KHDRBS2: variants seen among roughly 807,000 people sequenced by gnomAD.
KHDRBS2 encodes the protein KH domain-containing, RNA-binding, signal transduction-associated protein 2.
KHDRBS2 carries 26 observed loss-of-function variants against 44.3 expected under a neutral mutation model. The observed-to-expected ratio is 0.59, with a 90% CI of 0.43 to 0.81. The LOEUF (loss-of-function observed/expected upper bound fraction) is 0.81. Among genes scored for constraint, KHDRBS2 ranks in the 40% least tolerant of loss-of-function variants. The pLI, the probability that KHDRBS2 is intolerant of heterozygous loss-of-function variation, is 0.00. For synonymous variants in KHDRBS2, 194 were observed against 151.1 expected, an observed-to-expected ratio of 1.28 and a Z score of -2.08; for missense variants, 476 against 433.1, an observed-to-expected ratio of 1.10 and a Z score of -0.88.
At chr6:61,753,512 C>A (rs1365745847) in intron 6 of KHDRBS2, among the ~76,000 whole-genome samples, 2 of 152,104 alleles carry the variant, frequency 1.3e-5, no homozygotes, top group Non-Finnish European at 2.9e-5. Flanking sequence ...GAGAGAATTG[C>A]AATTCATAGT....
chr6:61,954,628 A>T (rs147043411), intron 4 of KHDRBS2, among the ~76,000 whole-genome samples: 1 of 129,394 alleles, frequency 7.7e-6, no homozygotes, highest in Non-Finnish European at 1.7e-5. Flanking sequence ...ATATATATGT[A>T]TATATACACA....
At chr6:62,121,062 G>A (rs375092269) in intron 2 of KHDRBS2, among the ~76,000 whole-genome samples, 12 of 152,088 alleles carry the variant, frequency 7.9e-5, no homozygotes, top group South Asian at 4.1e-4. Context: ...GGTAATTAAC[G>A]GAGTTTTAGC....
At chr6:61,554,620 T>C in the KHDRBS2 span, among the ~76,000 whole-genome samples, 1 of 152,210 alleles carries the variant, frequency 6.6e-6, no homozygotes, top group East Asian at 1.9e-4. Flanking sequence ...ACCTATGTAC[T>C]TGTGTGTTTT....
chr6:62,178,792 G>A (rs1306747545), intron 1 of KHDRBS2, among the ~76,000 whole-genome samples: 1 of 151,366 alleles, frequency 6.6e-6, no homozygotes, highest in Non-Finnish European at 1.5e-5. Flanking sequence ...CTTAGTCAAT[G>A]TACTAAAATA....
the KHDRBS2 span, among the ~76,000 whole-genome samples, chr6:61,590,894 C>T: frequency 5.3e-5 from 8 of 152,164 alleles, no homozygotes; most frequent in African/African-American, 1.2e-4. Flanking sequence ...TCATGGGATG[C>T]TTCATCTTTA....
chr6:62,241,889 TTC>T (rs1245111080), intron 1 of KHDRBS2, among the ~76,000 whole-genome samples: 6 of 152,176 alleles, frequency 3.9e-5, no homozygotes, highest in Admixed American at 3.3e-4. Flanking sequence ...TGCATTGGTC[TTC>T]TGTTCTCCAG....
At chr6:62,102,385 G>T (rs1448121437) in intron 2 of KHDRBS2, among the ~76,000 whole-genome samples, 2 of 152,142 alleles carry the variant, frequency 1.3e-5, no homozygotes, top group Admixed American at 1.3e-4. Context: ...TCCACTGCAG[G>T]CACCAGGCAA....
intron 2 of KHDRBS2, among the ~76,000 whole-genome samples, chr6:62,094,711 T>C (rs1214646168): frequency 6.6e-6 from 1 of 151,978 alleles, no homozygotes; most frequent in Non-Finnish European, 1.5e-5. Flanking sequence ...TTTAAGTCTT[T>C]AATCCATTCA....
At chr6:61,722,506 C>A (rs1423809227) in intron 7 of KHDRBS2, among the ~76,000 whole-genome samples, 1 of 152,062 alleles carries the variant, frequency 6.6e-6, no homozygotes, top group Admixed American at 6.6e-5. Flanking sequence ...CTCACAAATT[C>A]TATGTTCACT....
intron 6 of KHDRBS2, among the ~76,000 whole-genome samples, chr6:61,813,118 C>G (rs1788383595): frequency 6.6e-6 from 1 of 151,668 alleles, no homozygotes; most frequent in Admixed American, 6.6e-5. Flanking sequence ...ATGAAAGTAA[C>G]AATTTTAAGA....
downstream of KHDRBS2, among the ~76,000 whole-genome samples, chr6:61,679,774 C>T (rs1241091444): frequency 3.9e-5 from 6 of 151,908 alleles, no homozygotes; most frequent in Non-Finnish European, 8.8e-5. Flanking sequence ...AGTGAATCTA[C>T]GCAATGCTTA....
At chr6:62,057,557 G>A (rs1003957225) in intron 2 of KHDRBS2, among the ~76,000 whole-genome samples, 2 of 151,906 alleles carry the variant, frequency 1.3e-5, no homozygotes, top group African/African-American at 4.8e-5. Flanking sequence ...TCAGTTCACA[G>A]TCAGCAATTG....
chr6:62,088,442 T>G (rs756822201), intron 2 of KHDRBS2, among the ~76,000 whole-genome samples: 1 of 152,234 alleles, frequency 6.6e-6, no homozygotes, highest in African/African-American at 2.4e-5. Context: ...TAGTTTTCCT[T>G]CTAACAGTCA....
At chr6:61,575,944 G>A in the KHDRBS2 span, among the ~76,000 whole-genome samples, 7 of 152,056 alleles carry the variant, frequency 4.6e-5, no homozygotes, top group African/African-American at 1.2e-4. Flanking sequence ...GAACTTTGGC[G>A]AATTAGAGGG....
the KHDRBS2 span, among the ~76,000 whole-genome samples, chr6:61,636,900 T>G: frequency 1.3e-5 from 2 of 152,082 alleles, no homozygotes; most frequent in Non-Finnish European, 2.9e-5. Flanking sequence ...AAGGCTGGTA[T>G]ATGCATGGGC....
the KHDRBS2 span, among the ~76,000 whole-genome samples, chr6:61,543,850 C>T: frequency 2.6e-5 from 4 of 152,122 alleles, no homozygotes; most frequent in Non-Finnish European, 4.4e-5. Context: ...ATGCCAGGCA[C>T]AGAAACACAA....
chr6:62,279,251 A>G (rs1335335102), intron 1 of KHDRBS2, among the ~76,000 whole-genome samples: 2 of 152,210 alleles, frequency 1.3e-5, no homozygotes, highest in African/African-American at 4.8e-5. Context: ...GCATATGAAT[A>G]ATTTTTCAAA....
intron 2 of KHDRBS2, among the ~76,000 whole-genome samples, chr6:62,098,986 T>TA (rs1379879665): frequency 4.6e-5 from 7 of 152,298 alleles, no homozygotes; most frequent in South Asian, 2.1e-4. Context: ...GTTGGATTTT[T>TA]AAAAAAATTA....
At chr6:61,985,711 T>C (rs537829116) in intron 3 of KHDRBS2, among the ~76,000 whole-genome samples, 1 of 152,188 alleles carries the variant, frequency 6.6e-6, no homozygotes, top group Non-Finnish European at 1.5e-5. Context: ...CCAAAAACAA[T>C]AGGCAACATT....
Sources: gnomAD v4.1 joint callset for allele counts (sites outside exome capture counted in the v4.1 genomes callset) on GRCh38, gnomAD v4.1.1 for gene constraint, MANE v1.5 for transcripts, NCBI Gene and HGNC (gene_info 2026-07-23, HGNC 2026-07-21) for gene names.